The following FAM83D variants were observed in gnomAD, a reference collection of about 807,000 sequenced individuals.
FAM83D encodes protein FAM83D.
In FAM83D, 26 loss-of-function variants were observed where a neutral mutation model predicts 25.4. The observed-to-expected ratio is 1.02, with a 90% CI of 0.75 to 1.42. The LOEUF (loss-of-function observed/expected upper bound fraction) is 1.42. Ranked by LOEUF, FAM83D falls within the 40% of genes most tolerant of loss-of-function variation. The pLI, the probability that FAM83D is intolerant of heterozygous loss-of-function variation, is 0.00. For missense variants in FAM83D, 740 were observed against 758.1 expected (o/e 0.98, Z 0.28); for synonymous variants, 310 against 318.5 (o/e 0.97, Z 0.28).
chr20:38,937,130 C>T lies in FAM83D; in HGVS notation c.484-4829C>T, dbSNP rs185094276. Among the ~76,000 whole-genome samples, 159 of 152,334 alleles carry T rather than the reference C, an allele frequency of 1.0e-3. 1 individual carries two copies. Among genetic ancestry groups the T allele is most frequent in the African/African-American group, 3.7e-3 (152 of 41,578 alleles). ...CCCCTGACCAGCTGGATGCGTCCTC[C>T]TCACGTCTCCTGTTGTAACTGACTT... On this transcript the variant is annotated intron_variant, in intron 1 of 3. Transcript: ENST00000619850.
At chr20:38,941,073 A>G (rs915555935) in intron 1 of FAM83D, among the ~76,000 whole-genome samples, 14 of 152,236 alleles carry the variant, frequency 9.2e-5, no homozygotes, top group African/African-American at 3.1e-4. Context: ...CTTGGGAGGC[A>G]TGAATGGAGC....
chr20:38,945,803 G>A (rs2085725277), intron 2 of FAM83D, among the ~76,000 whole-genome samples: 1 of 133,070 alleles, frequency 7.5e-6, no homozygotes, highest in Non-Finnish European at 1.5e-5. Flanking sequence ...TGTTGCCTAG[G>A]CTGGTCTTGA....
rs138177255 is a variant in FAM83D at position 38,940,473 on chromosome 20, G to A, written c.484-1486G>A. Among the ~76,000 whole-genome samples, 235 of 152,290 alleles carry A rather than the reference G, an allele frequency of 1.5e-3. 1 individual carries two copies. The East Asian group carries it at 0.028, about 18-fold the overall frequency. ...ACAGAAATGACTCAATCCCATTCAA[G>A]AGCCTTTGCTGCAGGAGAAGGAGTG... is the stretch of plus-strand genomic sequence containing the variant. On this transcript the variant is annotated intron_variant, in intron 1 of 3. Transcript: ENST00000619850.
chr20:38,926,599 C>T lies in FAM83D; in HGVS notation c.157C>T (p.Arg53Cys), dbSNP rs1422397878. ...GPEAFAAFLR[R>C]ERLARFLNPD... ...CGAAGCCTTCGCGGCCTTCCTGCGACGCGAGCGCCTGGCTCGTTTCCTGAA... is the reference window on the plus strand; with the variant it reads ...CGAAGCCTTCGCGGCCTTCCTGCGATGCGAGCGCCTGGCTCGTTTCCTGAA... Residue 53 changes from arginine (R) to cysteine (C), a missense_variant, in exon 1 of 4, where the codon CGC becomes TGC. Physicochemically the swap from Arg to Cys is radical, Grantham distance 180 (BLOSUM62 -3). Around this residue, in one of 3 missense-constraint regions of FAM83D, gnomAD observed 333 missense variants for 298.6 expected, o/e 1.12. Transcript: ENST00000619850. 1.3e-6 allele frequency: 2 copies of T among 1,545,872 alleles called. No individual in the cohort carries two copies. Among genetic ancestry groups the T allele is most frequent in the South Asian group, 2.3e-5 (2 of 85,554 alleles).
At chr20:38,950,032 G>C (rs1334298397) in intron 3 of FAM83D, among the ~76,000 whole-genome samples, 32 of 152,112 alleles carry the variant, frequency 2.1e-4, no homozygotes, top group Admixed American at 2.1e-3. Flanking sequence ...TATGTTAGCC[G>C]GGATGGTCTC....
At chr20:38,944,717 A>G (rs2085719243) in intron 2 of FAM83D, among the ~76,000 whole-genome samples, 1 of 152,154 alleles carries the variant, frequency 6.6e-6, no homozygotes, top group African/African-American at 2.4e-5. Flanking sequence ...AGGCGGGTGG[A>G]TCACGAGGTC....
Position 38,951,711 on chromosome 20 carries a change from C to T in FAM83D, c.949C>T (p.Arg317Ter), listed in dbSNP as rs911477186. 43 of 1,614,060 alleles carry T rather than the reference C, an allele frequency of 2.7e-5. No individual in the cohort carries two copies. Among genetic ancestry groups the T allele is most frequent in the Non-Finnish European group, 3.6e-5 (43 of 1,180,048 alleles). Reference sequence around the variant, plus strand: ...CAACAAGTTTGATCACCTCACCAACCGAAAACCACAGTCCAAGGAGCTCAC... The same window carrying T: ...CAACAAGTTTGATCACCTCACCAACTGAAAACCACAGTCCAAGGAGCTCAC... Reference protein sequence around the residue: ...SSNKFDHLTNRKPQSKELTLG... With the variant: ...SSNKFDHLTN Residue 317 changes from arginine (R) to a stop codon, truncating the protein, a stop_gained, in exon 4 of 4, where the codon CGA (arginine) becomes TGA (stop). Coordinates refer to ENST00000619850, the MANE Select transcript of FAM83D (RefSeq NM_030919.3). LOFTEE classifies it low-confidence loss of function (END_TRUNC).
chr20:38,944,667 C>T lies in FAM83D; in HGVS notation c.651+2541C>T, dbSNP rs148273063. Among the ~76,000 whole-genome samples, 1,080 of 152,202 alleles carry T rather than the reference C, an allele frequency of 7.1e-3. 11 individuals carry two copies. The highest frequency in any genetic ancestry group is 0.019 in the African/African-American group (810 of 41,542). On this transcript the variant is annotated intron_variant, in intron 2 of 3. Coordinates refer to ENST00000619850, the MANE Select transcript of FAM83D (RefSeq NM_030919.3). ...AAGAAGGCCTATTTCTGGCCGGGCG[C>T]GGTGGCTTACGCCTGTAATCCCAGC...
rs2085763937 is a variant in FAM83D at position 38,953,050 on chromosome 20, T to C, written c.*530T>C. 1 of 154,624 alleles carries C rather than the reference T, an allele frequency of 6.5e-6. No individual in the cohort carries two copies. The highest frequency in any genetic ancestry group is 2.4e-5 in the African/African-American group (1 of 41,464). 9.6% of individuals were successfully genotyped at this position (154,624 alleles called of 1,614,324 possible). A position where few individuals can be genotyped will look rare whatever the true frequency, so the allele number is the denominator to read the frequency against. On this transcript the variant is annotated 3_prime_UTR_variant, in exon 4 of 4. Transcript: ENST00000619850. ...AAAAAATAAAACTACTTTCTGTTTA[T>C]CTCTTTAGAATATCTGTGTTCTTAG... is the stretch of plus-strand genomic sequence containing the variant.
At position 38,926,771 on chromosome 20, in the gene FAM83D, C is replaced by T. The variant is rs773112798; in HGVS notation, c.329C>T (p.Pro110Leu). 37 of 1,547,604 alleles carry T rather than the reference C, an allele frequency of 2.4e-5. No homozygotes were observed. Among genetic ancestry groups the T allele is most frequent in the Non-Finnish European group, 3.1e-5 (36 of 1,152,816 alleles). ...TTCCCCGAGCAGTCGGACCTGGAGC[C>T]ACCGCTGTTGGAGCTTGGCTGGCCC... Reference protein sequence around the residue: ...TYFPEQSDLEPPLLELGWPAF... With the variant: ...TYFPEQSDLELPLLELGWPAF... The change falls in exon 1 of 4, where the codon CCA (proline) becomes CTA (leucine). Residue 110 changes from proline to leucine, a missense_variant. Pro to Leu is a moderately conservative substitution (Grantham distance 98, BLOSUM62 -3). Coordinates refer to ENST00000619850, the MANE Select transcript of FAM83D (RefSeq NM_030919.3).
chr20:38,931,378 G>A (rs546883238), intron 1 of FAM83D, among the ~76,000 whole-genome samples: 3 of 152,332 alleles, frequency 2.0e-5, no homozygotes, highest in African/African-American at 7.2e-5. Flanking sequence ...TTTAGGTTTT[G>A]TAAACTAGAG....
chr20:38,938,114 G>GTTT (rs2085686300), intron 1 of FAM83D, among the ~76,000 whole-genome samples: 1 of 152,230 alleles, frequency 6.6e-6, no homozygotes, highest in Non-Finnish European at 1.5e-5. Context: ...CAACGCACAG[G>GTTT]AAAGGGTGAG....
chr20:38,949,926 C>T (rs1317553839), intron 3 of FAM83D, among the ~76,000 whole-genome samples: 1 of 152,244 alleles, frequency 6.6e-6, no homozygotes, highest in Non-Finnish European at 1.5e-5. Context: ...TTACGTCATT[C>T]TCCTGCCTCA....
chr20:38,949,554 A>G (rs1300209772), intron 3 of FAM83D, among the ~76,000 whole-genome samples: 2 of 152,164 alleles, frequency 1.3e-5, no homozygotes, highest in Non-Finnish European at 2.9e-5. Flanking sequence ...TGGTTACAGG[A>G]GACAGAGTTG....
chr20:38,942,253 T>C, intron 2 of FAM83D, 127 bp downstream of exon 2: 1 of 993,482 alleles, frequency 1.0e-6, no homozygotes, highest in Non-Finnish European at 1.5e-6. Context: ...AGCAAAGTCA[T>C]TTGCCTGGTC....
At chr20:38,950,339 T>C (rs896779529) in intron 3 of FAM83D, among the ~76,000 whole-genome samples, 1 of 152,192 alleles carries the variant, frequency 6.6e-6, no homozygotes, top group Non-Finnish European at 1.5e-5. Context: ...ACCACATGCC[T>C]GCCCCTATTG....
rs2085758809 is a variant in FAM83D, at chr20:38,952,183, G to A, written c.1421G>A (p.Ser474Asn). 6.2e-7 allele frequency: 1 copy of A among 1,614,068 alleles called. No individual in the cohort carries two copies. The highest frequency in any genetic ancestry group is 1.7e-5 in the Admixed American group (1 of 60,006). The change falls in exon 4 of 4, where the codon AGT becomes AAT. Residue 474 changes from serine (S) to asparagine (N), a missense_variant. By Grantham distance (46) the Ser-to-Asn change is conservative. Around this residue, in one of 3 missense-constraint regions of FAM83D, gnomAD observed 375 missense variants for 403.2 expected, o/e 0.93. Transcript: ENST00000619850. ...VSKMSVSRSS[S>N]LKSSSSVSSQ... ...AAAATGTCTGTATCGAGATCTTCCA[G>A]TTTGAAGTCTTCCTCCTCTGTGTCT...
At chr20:38,930,490 A>AT (rs1243260802) in intron 1 of FAM83D, among the ~76,000 whole-genome samples, 3 of 151,100 alleles carry the variant, frequency 2.0e-5, no homozygotes, top group South Asian at 2.1e-4. Context: ...GTTTGTTATT[A>AT]TTTTTTTTAA....
chr20:38,935,901 G>GATTATTTCTGTTCTA (rs923450165), intron 1 of FAM83D, among the ~76,000 whole-genome samples: 6 of 152,216 alleles, frequency 3.9e-5, no homozygotes, highest in African/African-American at 1.4e-4. Flanking sequence ...ATCCCAAGGA[G>GATTATTTCTGTTCTA]ATTATTTCTG....
Sources: allele counts gnomAD v4.1 joint callset (sites outside exome capture counted in the v4.1 genomes callset), GRCh38; gene constraint gnomAD v4.1.1; regional missense constraint gnomAD v4.1.1; transcripts MANE v1.5; gene names NCBI Gene and HGNC (gene_info 2026-07-23, HGNC 2026-07-21).